ATF7IP: variants seen among roughly 807,000 people sequenced by gnomAD.
The protein encoded by ATF7IP is activating transcription factor 7 interacting protein, also known as activating transcription factor 7-interacting protein 1.
ATF7IP carries 23 observed loss-of-function variants against 106.4 expected under a neutral mutation model. That is an observed-to-expected ratio of 0.22 (90% CI 0.16 to 0.31). The LOEUF (loss-of-function observed/expected upper bound fraction) is 0.31, where lower values mean the gene tolerates loss of function less well. Among genes scored for constraint, ATF7IP ranks in the 10% least tolerant of loss-of-function variants. The pLI, the probability that ATF7IP is intolerant of heterozygous loss-of-function variation, is 1.00. For missense variants in ATF7IP, 1,334 were observed against 1,524.3 expected (o/e 0.88, Z 2.08); for synonymous variants, 542 against 539.0 (o/e 1.01, Z -0.08).
Position 14,438,642 on chromosome 12 carries a change from T to C in ATF7IP, c.1929+375T>C, listed in dbSNP as rs538518149. Among the ~76,000 whole-genome samples, 6 of 152,322 alleles carry C rather than the reference T, an allele frequency of 3.9e-5. No homozygotes were observed. In the South Asian group the frequency reaches 1.2e-3, roughly 32 times the overall value. ...CCTGATCTCTGGCTTTATCTTTACATGGTGTTGTCCTTGTATGTGTGTCTG... is the reference window on the plus strand; with the variant it reads ...CCTGATCTCTGGCTTTATCTTTACACGGTGTTGTCCTTGTATGTGTGTCTG... On this transcript the variant is annotated intron_variant, in intron 5 of 14. Transcript: ENST00000261168.
At chr12:14,433,498 T>C (rs1385009098) in intron 2 of ATF7IP, among the ~76,000 whole-genome samples, 2 of 151,904 alleles carry the variant, frequency 1.3e-5, no homozygotes, top group Non-Finnish European at 1.5e-5. Flanking sequence ...AGTGAGACTC[T>C]ATCTCAAAAA....
chr12:14,374,831 G>A (rs1938669489), intron 1 of ATF7IP, among the ~76,000 whole-genome samples: 1 of 152,060 alleles, frequency 6.6e-6, no homozygotes, highest in South Asian at 2.1e-4. Context: ...GCTCTCAACT[G>A]GAAATTCTCT....
chr12:14,471,402 T>G (rs1944038834), intron 10 of ATF7IP, among the ~76,000 whole-genome samples: 1 of 152,196 alleles, frequency 6.6e-6, no homozygotes. Context: ...TTCCTTTAAT[T>G]TTGTCAGTTT....
At chr12:14,442,257 C>G (rs1366786395) in intron 5 of ATF7IP, among the ~76,000 whole-genome samples, 2 of 152,088 alleles carry the variant, frequency 1.3e-5, no homozygotes, top group Non-Finnish European at 2.9e-5. Flanking sequence ...CAATTAATAT[C>G]TACTTATTTT....
At chr12:14,433,106 C>T (rs117541392) in intron 2 of ATF7IP, among the ~76,000 whole-genome samples, 1,774 of 152,160 alleles carry the variant, frequency 0.012, 27 homozygotes, top group East Asian at 0.063. Flanking sequence ...AGGTGGCTCA[C>T]GCCTGTAATC....
At chr12:14,423,809 A>G (rs4764087) in intron 1 of ATF7IP, 100 bp from the exon 2 acceptor site, 1,261,102 of 1,261,418 alleles carry the variant, frequency 1, 630,395 homozygotes, top group Middle Eastern at 1. Flanking sequence ...ATTACATGAA[A>G]TGTGCTGCTT....
chr12:14,455,960 C>T (rs892535890), intron 6 of ATF7IP, among the ~76,000 whole-genome samples: 2 of 151,908 alleles, frequency 1.3e-5, no homozygotes, highest in Admixed American at 6.6e-5. Context: ...AATATGTAGG[C>T]GTTATAATTC....
intron 5 of ATF7IP, among the ~76,000 whole-genome samples, 193 bp downstream of exon 5, chr12:14,438,460 T>C (rs1942523604): frequency 6.6e-6 from 1 of 152,232 alleles, no homozygotes; most frequent in African/African-American, 2.4e-5. Context: ...AGTAGAAATA[T>C]TCTGTCTCAC....
intron 3 of ATF7IP, 79 bp from the exon 4 acceptor site, chr12:14,436,027 T>C (rs1942385785): frequency 2.8e-6 from 4 of 1,407,366 alleles, no homozygotes; most frequent in Middle Eastern, 2.1e-4. Context: ...AGAAATAATA[T>C]TTTGCTAAGG....
intron 1 of ATF7IP, among the ~76,000 whole-genome samples, chr12:14,404,561 A>T (rs946997054): frequency 6.6e-6 from 1 of 152,150 alleles, no homozygotes; most frequent in African/African-American, 2.4e-5. Context: ...AGACCTAACG[A>T]TGTTAAATGA....
intron 13 of ATF7IP, among the ~76,000 whole-genome samples, chr12:14,494,312 TATATATATATATATATATA>T (rs1944930532): frequency 3.1e-5 from 3 of 97,154 alleles, no homozygotes; most frequent in Non-Finnish European, 6.3e-5. Context: ...TATATATATA[TATATATATATATATATATA>T]TATGTGTGTG....
At chr12:14,452,534 GGGGA>G (rs1943245511) in intron 6 of ATF7IP, among the ~76,000 whole-genome samples, 1 of 151,870 alleles carries the variant, frequency 6.6e-6, no homozygotes, top group Admixed American at 6.6e-5. Flanking sequence ...TGGTTACCGT[GGGGA>G]TTACATAAAA....
At chr12:14,423,888 T>C (rs201875005) in intron 1 of ATF7IP, 21 bp from the exon 2 acceptor site, 12 of 1,548,584 alleles carry the variant, frequency 7.7e-6, no homozygotes, top group Non-Finnish European at 4.3e-6. Flanking sequence ...TATTAAACTC[T>C]CTTTCTCTTT....
intron 13 of ATF7IP, chr12:14,481,618 C>T: frequency 2.2e-6 from 1 of 444,666 alleles, no homozygotes; most frequent in Non-Finnish European, 4.5e-6. Flanking sequence ...GAGAGTTAAA[C>T]AGAGAAAATT....
At chr12:14,412,011 A>G (rs1270014976) in intron 1 of ATF7IP, among the ~76,000 whole-genome samples, 1 of 152,164 alleles carries the variant, frequency 6.6e-6, no homozygotes, top group African/African-American at 2.4e-5. Context: ...GTGGCTATCC[A>G]GTTTTTCCAA....
At position 14,446,970 on chromosome 12, in the gene ATF7IP, C is replaced by CTTT. The variant is rs5796595; in HGVS notation, c.1930-6_1930-4dup. On this transcript the variant is annotated splice_polypyrimidine_tract_variant and intron_variant, in intron 5 of 14. Coordinates refer to ENST00000261168, the MANE Select transcript of ATF7IP (RefSeq NM_018179.5). ...CTATTTGATTTCCATTCATTTTTGT[C>CTTT]TTTTTTTTTTTTTTCAGGCCAAGAT... 4.2e-3 allele frequency: 5,078 copies of CTTT among 1,217,582 alleles called. 1 individual carries two copies. Among genetic ancestry groups the CTTT allele is most frequent in the South Asian group, 0.012 (638 of 54,370 alleles). 75.4% of individuals were successfully genotyped at this position (1,217,582 alleles called of 1,614,324 possible).
At chr12:14,416,990 G>A (rs1297232954) in intron 1 of ATF7IP, 6 of 975,432 alleles carry the variant, frequency 6.2e-6, no homozygotes, top group Non-Finnish European at 7.3e-6. Flanking sequence ...AAGGAAGGGG[G>A]GAAATGAGGT....
At chr12:14,389,350 G>A (rs1416364095) in intron 1 of ATF7IP, among the ~76,000 whole-genome samples, 1 of 152,200 alleles carries the variant, frequency 6.6e-6, no homozygotes, top group Non-Finnish European at 1.5e-5. Context: ...ATTAAGTAAA[G>A]CCAATATAGA....
In ATF7IP at chr12:14,403,408, T is replaced by C. The variant is rs897681839; in HGVS notation, c.-7-20501T>C. On this transcript the variant is annotated intron_variant, in intron 1 of 14. Transcript: ENST00000261168. ...AAAGGAATTAGAAGAAAATGTATAGTTTCTTGCCTCCTGGCCTTAATGATC... is the reference window on the plus strand; with the variant it reads ...AAAGGAATTAGAAGAAAATGTATAGCTTCTTGCCTCCTGGCCTTAATGATC... Among the ~76,000 whole-genome samples the C allele has an allele frequency of 2.0e-5, 3 of 151,990 alleles. No homozygotes were observed. In the Admixed American group the frequency reaches 2.0e-4, roughly 10 times the overall value.
Sources: gnomAD v4.1 joint callset for allele counts (sites outside exome capture counted in the v4.1 genomes callset) on GRCh38, gnomAD v4.1.1 for gene constraint, MANE v1.5 for transcripts, NCBI Gene and HGNC (gene_info 2026-07-23, HGNC 2026-07-21) for gene names.